The following KIRREL3 variants were observed in gnomAD, a reference collection of about 807,000 sequenced individuals.
KIRREL3 encodes the protein kirre like nephrin family adhesion molecule 3.
KIRREL3 carries 36 observed loss-of-function variants against 89.7 expected under a neutral mutation model. The ratio of observed to expected loss-of-function variants is 0.40; its 90% CI spans 0.31 to 0.53. The LOEUF is 0.53. Among genes scored for constraint, KIRREL3 ranks in the 20% least tolerant of loss-of-function variants. KIRREL3 has a pLI of 0.49. For missense variants in KIRREL3, 864 were observed against 1,056.6 expected, an observed-to-expected ratio of 0.82 and a Z score of 2.53; for synonymous variants, 445 against 441.4, an observed-to-expected ratio of 1.01 and a Z score of -0.10.
intron 1 of KIRREL3, among the ~76,000 whole-genome samples, chr11:126,700,220 T>G (rs745825238): frequency 6.6e-6 from 1 of 151,294 alleles, no homozygotes; most frequent in Non-Finnish European, 1.5e-5. Context: ...GAGAGAGAGA[T>G]ATTCAGAGAA....
chr11:126,699,276 AT>A (rs1489206452), intron 1 of KIRREL3, among the ~76,000 whole-genome samples: 8 of 152,214 alleles, frequency 5.3e-5, no homozygotes, highest in African/African-American at 1.9e-4. Flanking sequence ...ATAGCCTGAT[AT>A]CATAACCGCA....
Position 126,867,065 on chromosome 11 carries a change from G to A in KIRREL3, c.55+133390C>T, listed in dbSNP as rs569657365. 1.1e-4 allele frequency among the ~76,000 whole-genome samples: 16 copies of A among 152,188 alleles called. No homozygotes were observed. The highest frequency in any genetic ancestry group is 1.0e-3 in the Admixed American group (16 of 15,270). On this transcript the variant is annotated intron_variant, in intron 1 of 16. Transcript: ENST00000525144. The surrounding 1 kb of genome is among the most constrained non-coding windows in gnomAD (Gnocchi z 4.7). Reference sequence around the variant, plus strand: ...GCCAACGGACAGCTAAACTGAAAGAGCACACTGTAACACACGCCCACTGGG... The same window carrying A: ...GCCAACGGACAGCTAAACTGAAAGAACACACTGTAACACACGCCCACTGGG...
At chr11:126,833,813 G>A (rs1427744271) in intron 1 of KIRREL3, among the ~76,000 whole-genome samples, 7 of 152,276 alleles carry the variant, frequency 4.6e-5, no homozygotes, top group Non-Finnish European at 1.0e-4. Context: ...TGTTTTTGCA[G>A]GTCTGATTAA....
At chr11:126,451,575 T>TGC (rs1045874317) in intron 7 of KIRREL3, among the ~76,000 whole-genome samples, 1 of 147,740 alleles carries the variant, frequency 6.8e-6, no homozygotes, top group African/African-American at 2.5e-5. Flanking sequence ...CATGTGCATG[T>TGC]GTGTGTGCGT....
chr11:126,688,074 A>G (rs1352271607), intron 1 of KIRREL3, among the ~76,000 whole-genome samples: 8 of 152,240 alleles, frequency 5.3e-5, no homozygotes, highest in East Asian at 1.9e-4. Flanking sequence ...TAGTATGTCA[A>G]TTCCGAGAGG....
intron 1 of KIRREL3, among the ~76,000 whole-genome samples, chr11:126,930,470 G>A (rs960279426): frequency 2.6e-5 from 4 of 152,156 alleles, no homozygotes; most frequent in African/African-American, 7.2e-5. Flanking sequence ...CTACTGCGGA[G>A]GTAGCTGCCA....
At position 126,644,934 on chromosome 11, in the gene KIRREL3, G is replaced by A. The variant is rs575151640; in HGVS notation, c.56-82022C>T. ...CCAGCCCTCCTGACAAACAGCGAAC[G>A]TGCCAAGTCCTACAAGGCACCGTTG... On this transcript the variant is annotated intron_variant, in intron 1 of 16. Coordinates refer to ENST00000525144, the MANE Select transcript of KIRREL3 (RefSeq NM_032531.4). Among the ~76,000 whole-genome samples the A allele has an allele frequency of 3.9e-5, 6 of 152,280 alleles. No individual in the cohort carries two copies. In the South Asian group the frequency reaches 1.2e-3, roughly 32 times the overall value.
chr11:126,657,175 T>C (rs1013299145), intron 1 of KIRREL3, among the ~76,000 whole-genome samples: 2 of 152,128 alleles, frequency 1.3e-5, no homozygotes, highest in African/African-American at 4.8e-5. Flanking sequence ...TTGAACTTTG[T>C]ATTACCTATA....
chr11:126,743,966 T>G (rs1307274263), intron 1 of KIRREL3, among the ~76,000 whole-genome samples: 1 of 152,230 alleles, frequency 6.6e-6, no homozygotes, highest in Non-Finnish European at 1.5e-5. Flanking sequence ...GACTACTATA[T>G]TTCTGCTTGG....
chr11:126,802,861 ATC>A lies in KIRREL3; in HGVS notation c.55+197592_55+197593del, dbSNP rs1439471943. 1.3e-5 allele frequency among the ~76,000 whole-genome samples: 2 copies of A among 152,174 alleles called. No homozygotes were observed. Among genetic ancestry groups the A allele is most frequent in the Non-Finnish European group, 2.9e-5 (2 of 68,036 alleles). ...CCATAGGAACTTAACTCTTGTTTATATCAATTAGCCTGTGGGAAAATTGGCTT... is the reference window on the plus strand; with the variant it reads ...CCATAGGAACTTAACTCTTGTTTATAAATTAGCCTGTGGGAAAATTGGCTT... On this transcript the variant is annotated intron_variant, in intron 1 of 16. Coordinates refer to ENST00000525144, the MANE Select transcript of KIRREL3 (RefSeq NM_032531.4). The surrounding 1 kb of genome is among the most constrained non-coding windows in gnomAD (Gnocchi z 5.2).
Position 126,682,130 on chromosome 11 carries a change from C to G in KIRREL3, c.56-119218G>C. The G allele has an allele frequency of 3.0e-6, 1 of 333,238 alleles. No homozygotes were observed. 20.6% of individuals were successfully genotyped at this position (333,238 alleles called of 1,614,324 possible). On this transcript the variant is annotated intron_variant, in intron 1 of 16. Transcript: ENST00000525144. This position sits in a 1 kb window ranked among gnomAD's most constrained non-coding sequence, Gnocchi z 4.8. ...CCACCGAAAAGGTCATATTTAGGAC[C>G]TGGGTGAAGGAAGAGTGGGCATCAC...
intron 6 of KIRREL3, among the ~76,000 whole-genome samples, chr11:126,457,724 CAAG>C (rs1956418973): frequency 1.3e-5 from 2 of 152,156 alleles, no homozygotes; most frequent in South Asian, 4.2e-4. Flanking sequence ...GTGAATCAGA[CAAG>C]AATTTCAGAC....
chr11:126,927,804 AG>A (rs1157941574), intron 1 of KIRREL3, among the ~76,000 whole-genome samples: 3 of 152,230 alleles, frequency 2.0e-5, no homozygotes, highest in Admixed American at 1.3e-4. Context: ...TCTTCTTAGA[AG>A]GTGTGGCCTT....
In KIRREL3 at chr11:126,795,690, A is replaced by G. The variant is rs910135291; in HGVS notation, c.55+204765T>C. ...TGAGCCACTGTGCCTGGCCAGAAAT[A>G]TGTAGAAATTATTTGCACTTTCTGT... On this transcript the variant is annotated intron_variant, in intron 1 of 16. Transcript: ENST00000525144. This position sits in a 1 kb window ranked among gnomAD's most constrained non-coding sequence, Gnocchi z 4.1. Among the ~76,000 whole-genome samples the G allele has an allele frequency of 3.3e-5, 5 of 152,182 alleles. No individual in the cohort carries two copies. The highest frequency in any genetic ancestry group is 9.7e-5 in the African/African-American group (4 of 41,446).
intron 1 of KIRREL3, among the ~76,000 whole-genome samples, chr11:126,829,663 C>A (rs1433649351): frequency 2.0e-5 from 3 of 152,184 alleles, no homozygotes; most frequent in Non-Finnish European, 4.4e-5. Context: ...TAGTGAGAAC[C>A]TACTGGGTGC....
Position 126,553,050 on chromosome 11 carries a change from G to A in KIRREL3, c.133+9785C>T, listed in dbSNP as rs1939412673. On this transcript the variant is annotated intron_variant, in intron 2 of 16. Transcript: ENST00000525144. The surrounding 1 kb of genome is among the most constrained non-coding windows in gnomAD (Gnocchi z 4.7). ...CACTAGTACCACTCATGGTGTGTGT[G>A]AGCACACTCGTGAAGGCGTGCAAGC... 6.6e-6 allele frequency among the ~76,000 whole-genome samples: 1 copy of A among 152,332 alleles called. No homozygotes were observed. The highest frequency in any genetic ancestry group is 2.1e-4 in the South Asian group (1 of 4,832).
chr11:126,434,300 G>A (rs898219411), intron 13 of KIRREL3, among the ~76,000 whole-genome samples: 3 of 152,250 alleles, frequency 2.0e-5, no homozygotes, highest in Admixed American at 2.0e-4. Flanking sequence ...GGGGAGCTCT[G>A]GATGAGTGTC....
rs1173586542 is a variant in KIRREL3 at position 126,985,418 on chromosome 11, G to T, written c.55+15037C>A. On this transcript the variant is annotated intron_variant, in intron 1 of 16. Coordinates refer to ENST00000525144, the MANE Select transcript of KIRREL3 (RefSeq NM_032531.4). The surrounding 1 kb of genome is among the most constrained non-coding windows in gnomAD (Gnocchi z 5.3). ...AGGCGGACCAGAAACACTCCATGTG[G>T]ATAAATCATAGTAAGAGCCACAAAA... is the stretch of plus-strand genomic sequence containing the variant. Among the ~76,000 whole-genome samples, 1 of 152,180 alleles carries T rather than the reference G, an allele frequency of 6.6e-6. No individual in the cohort carries two copies. Among genetic ancestry groups the T allele is most frequent in the East Asian group, 1.9e-4 (1 of 5,194 alleles).
Position 126,584,541 on chromosome 11 carries a change from TG to T in KIRREL3, c.56-21630del. Among the ~76,000 whole-genome samples the T allele has an allele frequency of 2.0e-5, 3 of 152,352 alleles. No homozygotes were observed. The Middle Eastern group carries it at 0.01, about 518-fold the overall frequency. On this transcript the variant is annotated intron_variant, in intron 1 of 16. Coordinates refer to ENST00000525144, the MANE Select transcript of KIRREL3 (RefSeq NM_032531.4). The stretch of plus-strand genomic sequence containing the variant: ...CCAGGCATGTGGGTATGACCGAGCC[TG>T]GCTGCAAAGGCAGGCAGAGGGGAGC...
Sources: gnomAD v4.1 joint callset for allele counts (sites outside exome capture counted in the v4.1 genomes callset) on GRCh38, gnomAD v4.1.1 for gene constraint, Gnocchi (gnomAD v3.1) non-coding constraint, MANE v1.5 for transcripts, NCBI Gene and HGNC (gene_info 2026-07-23, HGNC 2026-07-21) for gene names.